The following E2F5 variants were observed in gnomAD, a reference collection of about 807,000 sequenced individuals.
E2F5 encodes the protein E2F transcription factor 5.
Under a neutral mutation model 39.1 loss-of-function variants are expected in E2F5, and 23 were observed. That is an observed-to-expected ratio of 0.59 (90% CI 0.42 to 0.83). E2F5 has a LOEUF of 0.83. Ranked by LOEUF, E2F5 falls within the 40% of genes least tolerant of loss-of-function variation. The pLI, the probability that E2F5 is intolerant of heterozygous loss-of-function variation, is 0.00. For missense variants in E2F5, 365 were observed against 406.7 expected (o/e 0.90, Z 0.88); for synonymous variants, 145 against 157.8 (o/e 0.92, Z 0.61).
intron 1 of E2F5, among the ~76,000 whole-genome samples, chr8:85,179,887 C>T (rs1243275674): frequency 1.2e-4 from 19 of 152,292 alleles, no homozygotes; most frequent in South Asian, 6.2e-4. Context: ...GTCTCGATCT[C>T]CTGACCTTGT....
intron 7 of E2F5, 183 bp from the exon 8 acceptor site, chr8:85,213,570 T>C (rs993966423): frequency 5.7e-6 from 1 of 175,350 alleles, no homozygotes; most frequent in Admixed American, 7.6e-5. Context: ...AAGAAAAAAT[T>C]AACTTCTGTT....
At chr8:85,205,814 A>G (rs1812791645) in intron 3 of E2F5, among the ~76,000 whole-genome samples, 1 of 152,188 alleles carries the variant, frequency 6.6e-6, no homozygotes, top group African/African-American at 2.4e-5. Context: ...ATACAAGAAC[A>G]AAAAACAACG....
chr8:85,183,148 A>G (rs1812256618), intron 1 of E2F5, among the ~76,000 whole-genome samples: 1 of 152,206 alleles, frequency 6.6e-6, no homozygotes, highest in Admixed American at 6.5e-5. Flanking sequence ...GCTACTCAGG[A>G]GGCTGAGGCA....
At chr8:85,185,604 A>C (rs1344541308) in intron 1 of E2F5, among the ~76,000 whole-genome samples, 1 of 152,256 alleles carries the variant, frequency 6.6e-6, no homozygotes, top group Non-Finnish European at 1.5e-5. Flanking sequence ...AGATCTTTGC[A>C]ATCTACCCAT....
Position 85,177,349 on chromosome 8 carries a change from C to A in E2F5, c.-72C>A. 1.0e-6 allele frequency: 1 copy of A among 978,216 alleles called. No individual in the cohort carries two copies. The highest frequency in any genetic ancestry group is 1.1e-4 in the East Asian group (1 of 8,792). 60.6% of individuals were successfully genotyped at this position (978,216 alleles called of 1,614,324 possible). On this transcript the variant is annotated 5_prime_UTR_variant, in exon 1 of 8. Transcript: ENST00000416274. ...GGAAGCGGCCGCAGCGGAGCCGACCCGGCAGGTGGCCGCGGGCGGGGCCGG... is the reference window on the plus strand; with the variant it reads ...GGAAGCGGCCGCAGCGGAGCCGACCAGGCAGGTGGCCGCGGGCGGGGCCGG...
intron 6 of E2F5, 67 bp from the exon 7 acceptor site, chr8:85,212,090 T>G (rs1812937847): frequency 8.0e-7 from 1 of 1,253,972 alleles, no homozygotes; most frequent in Admixed American, 1.8e-5. Flanking sequence ...CTGTGACTAC[T>G]TGTGTTTAAA....
At chr8:85,180,582 T>G (rs1400517712) in intron 1 of E2F5, among the ~76,000 whole-genome samples, 1 of 125,514 alleles carries the variant, frequency 8.0e-6, no homozygotes, top group African/African-American at 3.0e-5. Flanking sequence ...TTGTTTTTTT[T>G]TTTTTTTTTT....
chr8:85,213,818 G>C lies in E2F5; in HGVS notation c.997G>C (p.Glu333Gln). The C allele has an allele frequency of 1.2e-6, 2 of 1,613,164 alleles. No individual in the cohort carries two copies. Among genetic ancestry groups the C allele is most frequent in the Non-Finnish European group, 1.7e-6 (2 of 1,179,458 alleles). Residue 333 changes from glutamate (E) to glutamine (Q), a missense_variant, in exon 8 of 8, where the codon GAA becomes CAA. By Grantham distance (29) the Glu-to-Gln change is conservative (BLOSUM62 2). Transcript: ENST00000416274. The stretch of plus-strand genomic sequence containing the variant: ...CTACAACTTTAATTTAGATGATAAC[G>C]AAGGAGTTTGTGATCTGTTTGATGT... ...DDYNFNLDDN[E>Q]GVCDLFDVQI...
At chr8:85,177,886 C>A in intron 1 of E2F5, 1 of 640,434 alleles carries the variant, frequency 1.6e-6, no homozygotes, top group Non-Finnish European at 2.0e-6. Context: ...GGGCCCGGCG[C>A]CACGCTGGGC....
chr8:85,177,373 G>A lies in E2F5; in HGVS notation c.-48G>A. 2 of 986,578 alleles carry A rather than the reference G, an allele frequency of 2.0e-6. No homozygotes were observed. The highest frequency in any genetic ancestry group is 2.4e-6 in the Non-Finnish European group (2 of 831,310). The allele number at this position is 986,578 out of a possible 1,614,324, so 61.1% of individuals were successfully genotyped here. A position where few individuals can be genotyped will look rare whatever the true frequency, so the allele number is the denominator to read the frequency against. ...CCGGCAGGTGGCCGCGGGCGGGGCC[G>A]GCGAGCGAAAGTGCGCGGGGGCCCG... On this transcript the variant is annotated 5_prime_UTR_variant, in exon 1 of 8. Coordinates refer to ENST00000416274, the MANE Select transcript of E2F5 (RefSeq NM_001951.4).
intron 1 of E2F5, chr8:85,200,453 TA>T (rs1812673365): frequency 2.6e-5 from 9 of 348,314 alleles, no homozygotes; most frequent in African/African-American, 4.5e-5. Context: ...GACACCTTTT[TA>T]AAACTTTGAG....
intron 1 of E2F5, among the ~76,000 whole-genome samples, chr8:85,191,896 A>G (rs1244714991): frequency 1.3e-5 from 2 of 152,242 alleles, no homozygotes; most frequent in Admixed American, 6.5e-5. Context: ...GGACATTCCT[A>G]GTCAGCAAGA....
chr8:85,201,120 G>C (rs141058319), intron 1 of E2F5, among the ~76,000 whole-genome samples: 15 of 152,288 alleles, frequency 9.8e-5, no homozygotes, highest in African/African-American at 3.1e-4. Flanking sequence ...ACCTTCTCTG[G>C]GGGGAAGGCA....
intron 6 of E2F5, among the ~76,000 whole-genome samples, chr8:85,211,440 TAC>T (rs1045536114): frequency 4.6e-5 from 7 of 151,680 alleles, no homozygotes; most frequent in African/African-American, 1.7e-4. Flanking sequence ...AAACAGTGAT[TAC>T]AGTGAGATCA....
intron 1 of E2F5, among the ~76,000 whole-genome samples, chr8:85,179,653 T>C (rs1245738277): frequency 6.6e-6 from 1 of 151,896 alleles, no homozygotes; most frequent in East Asian, 1.9e-4. Context: ...CTTATATATG[T>C]AAAAATCTTT....
intron 1 of E2F5, among the ~76,000 whole-genome samples, chr8:85,180,181 C>T (rs1011596640): frequency 1.3e-5 from 2 of 151,608 alleles, no homozygotes; most frequent in African/African-American, 2.4e-5. Context: ...CCACCATGCC[C>T]GACTCATTTT....
intron 2 of E2F5, 32 bp downstream of exon 2, chr8:85,202,288 C>A (rs1475887130): frequency 1.9e-6 from 2 of 1,060,970 alleles, no homozygotes; most frequent in East Asian, 5.1e-5. Flanking sequence ...TCTTCTGAAA[C>A]CTTTTTTCTT....
chr8:85,205,471 G>A (rs981098262), intron 3 of E2F5, among the ~76,000 whole-genome samples: 1 of 152,070 alleles, frequency 6.6e-6, no homozygotes, highest in Admixed American at 6.5e-5. Flanking sequence ...CTGTCCATGT[G>A]TGGCAGCCCC....
intron 1 of E2F5, among the ~76,000 whole-genome samples, chr8:85,186,470 C>T (rs1045037331): frequency 5.9e-5 from 9 of 151,296 alleles, no homozygotes; most frequent in African/African-American, 2.2e-4. Flanking sequence ...CAAAACTGCA[C>T]GTTCTGCACA....
Sources: gnomAD v4.1 joint callset for allele counts (sites outside exome capture counted in the v4.1 genomes callset) on GRCh38, gnomAD v4.1.1 for gene constraint, MANE v1.5 for transcripts, NCBI Gene and HGNC (gene_info 2026-07-23, HGNC 2026-07-21) for gene names.